The following ARHGEF7 variants were observed in gnomAD, a reference collection of about 807,000 sequenced individuals.
ARHGEF7 encodes PAK-interacting exchange factor beta.
A neutral mutation model predicts 109.8 loss-of-function variants in ARHGEF7; 33 were observed. The observed-to-expected ratio is 0.30, with a 90% confidence interval of 0.23 to 0.40. ARHGEF7 has a LOEUF of 0.40. Among genes scored for constraint, ARHGEF7 ranks in the 10% least tolerant of loss-of-function variants. The pLI, the probability that ARHGEF7 is intolerant of heterozygous loss-of-function variation, is 1.00. For missense variants in ARHGEF7, 938 were observed against 1,098.5 expected, an observed-to-expected ratio of 0.85 and a Z score of 2.07; for synonymous variants, 458 against 424.6, an observed-to-expected ratio of 1.08 and a Z score of -0.97.
chr13:111,229,285 T>C (rs2085683946), intron 5 of ARHGEF7, among the ~76,000 whole-genome samples: 1 of 152,224 alleles, frequency 6.6e-6, no homozygotes, highest in East Asian at 1.9e-4. Flanking sequence ...TTTTGCCCTC[T>C]GTTTTAATCC....
intron 18 of ARHGEF7, 29 bp downstream of exon 18, chr13:111,288,472 G>A (rs1329204480): frequency 1.3e-6 from 2 of 1,561,696 alleles, no homozygotes; most frequent in Admixed American, 3.3e-5. Context: ...CCTGGGAAGT[G>A]TGGTGGTTTA....
chr13:111,198,743 T>C (rs935778739), intron 2 of ARHGEF7, among the ~76,000 whole-genome samples: 15 of 152,136 alleles, frequency 9.9e-5, no homozygotes, highest in African/African-American at 3.1e-4. Flanking sequence ...GCTTCCACAG[T>C]GTGGAAGGGG....
chr13:111,257,772 C>T (rs147524889), intron 8 of ARHGEF7, among the ~76,000 whole-genome samples: 2 of 152,312 alleles, frequency 1.3e-5, no homozygotes, highest in Non-Finnish European at 2.9e-5. Flanking sequence ...CTGTGCACTT[C>T]GGAGAGGGGG....
At chr13:111,187,439 C>T (rs1419734803) in intron 2 of ARHGEF7, among the ~76,000 whole-genome samples, 1 of 152,166 alleles carries the variant, frequency 6.6e-6, no homozygotes, top group African/African-American at 2.4e-5. Context: ...GAAAGCCTTC[C>T]GGTTCTGAGC....
intron 13 of ARHGEF7, among the ~76,000 whole-genome samples, chr13:111,277,894 G>A (rs921097415): frequency 1.3e-5 from 2 of 152,212 alleles, no homozygotes; most frequent in African/African-American, 4.8e-5. Flanking sequence ...AAACTGTAGA[G>A]CAACCTCATA....
intron 11 of ARHGEF7, among the ~76,000 whole-genome samples, 193 bp from the exon 12 acceptor site, chr13:111,275,339 C>G (rs1344416555): frequency 2.6e-5 from 4 of 152,178 alleles, no homozygotes; most frequent in African/African-American, 9.7e-5. Flanking sequence ...TGTTGCTTCT[C>G]TTAACTTGGT....
At chr13:111,269,729 A>G (rs2091981497) in intron 9 of ARHGEF7, among the ~76,000 whole-genome samples, 1 of 152,132 alleles carries the variant, frequency 6.6e-6, no homozygotes, top group African/African-American at 2.4e-5. Context: ...ACTGTGGAAC[A>G]TGAAGCTTGT....
intron 13 of ARHGEF7, 78 bp from the exon 14 acceptor site, chr13:111,280,194 A>C (rs1197987959): frequency 7.2e-7 from 1 of 1,396,476 alleles, no homozygotes; most frequent in African/African-American, 1.5e-5. Context: ...AAATCATTTA[A>C]TATTGACTTT....
At chr13:111,211,636 G>T (rs1215777296) in intron 4 of ARHGEF7, among the ~76,000 whole-genome samples, 1 of 152,166 alleles carries the variant, frequency 6.6e-6, no homozygotes, top group Non-Finnish European at 1.5e-5. Context: ...CTCTTTGATG[G>T]AATGTGCAAG....
intron 1 of ARHGEF7, among the ~76,000 whole-genome samples, chr13:111,132,264 G>A (rs2074793523): frequency 6.6e-6 from 1 of 152,188 alleles, no homozygotes; most frequent in African/African-American, 2.4e-5. Flanking sequence ...GCCAATAAGT[G>A]TTGCGTTGAG....
chr13:111,232,169 A>G (rs1172327375), intron 5 of ARHGEF7, among the ~76,000 whole-genome samples: 2 of 152,158 alleles, frequency 1.3e-5, no homozygotes, highest in African/African-American at 4.8e-5. Flanking sequence ...TAGAATTGTG[A>G]TAGACACACC....
In ARHGEF7 at chr13:111,263,350, A is replaced by G. The variant is rs781540421; in HGVS notation, c.951-4198A>G. Among the ~76,000 whole-genome samples, 263 of 152,230 alleles carry G rather than the reference A, an allele frequency of 1.7e-3. 8 individuals carry two copies. Among genetic ancestry groups the G allele is most frequent in the Non-Finnish European group, 3.8e-4 (26 of 68,036 alleles). On this transcript the variant is annotated intron_variant, in intron 8 of 21. Coordinates refer to ENST00000646102, the MANE Select transcript of ARHGEF7 (RefSeq NM_001354046.2). The stretch of plus-strand genomic sequence containing the variant: ...GGCTCAGTGCGGTGAATTAAATAGG[A>G]AAAACCACTCGTACCGTGAATTGTT...
intron 1 of ARHGEF7, among the ~76,000 whole-genome samples, chr13:111,123,695 T>G (rs2067346707): frequency 6.6e-6 from 1 of 152,226 alleles, no homozygotes; most frequent in Non-Finnish European, 1.5e-5. Context: ...ATCTATTGAG[T>G]GCATACTGTA....
chr13:111,134,249 A>G (rs1214557873), intron 1 of ARHGEF7, among the ~76,000 whole-genome samples: 1 of 152,142 alleles, frequency 6.6e-6, no homozygotes, highest in African/African-American at 2.4e-5. Flanking sequence ...GCCGCAGTAA[A>G]CATACGTGTG....
Position 111,115,537 on chromosome 13 carries a change from C to T in ARHGEF7, c.11C>T (p.Ala4Val). MNSAEQTVTWLITL... is the reference protein window; with the variant it reads MNSVEQTVTWLITL... ...TCCCGGGCCGCAGCGATGAATTCCG[C>T]CGAGCAAACCGTTACGTGGCTCATC... is the stretch of plus-strand genomic sequence containing the variant. The change falls in exon 1 of 22, where the codon GCC becomes GTC. Residue 4 changes from alanine (A) to valine (V), a missense_variant. Physicochemically the swap from Ala to Val is moderately conservative, Grantham distance 64. Coordinates refer to ENST00000646102, the MANE Select transcript of ARHGEF7 (RefSeq NM_001354046.2). The T allele has an allele frequency of 1.4e-6, 2 of 1,386,182 alleles. No individual in the cohort carries two copies. The highest frequency in any genetic ancestry group is 1.9e-6 in the Non-Finnish European group (2 of 1,050,232). The allele number at this position is 1,386,182 out of a possible 1,614,324, so 85.9% of individuals were successfully genotyped here. A position where few individuals can be genotyped will look rare whatever the true frequency, so the allele number is the denominator to read the frequency against.
intron 19 of ARHGEF7, chr13:111,295,123 G>A: frequency 1.0e-6 from 1 of 983,154 alleles, no homozygotes; most frequent in South Asian, 4.7e-5. Flanking sequence ...GTTGCATATG[G>A]CAATGAAGTG....
intron 4 of ARHGEF7, among the ~76,000 whole-genome samples, chr13:111,214,472 C>T (rs951182573): frequency 2.0e-5 from 3 of 152,248 alleles, no homozygotes; most frequent in Non-Finnish European, 4.4e-5. Context: ...ACAAGGCCGG[C>T]GTGCCCAGGT....
intron 5 of ARHGEF7, among the ~76,000 whole-genome samples, chr13:111,219,014 A>G (rs1026237802): frequency 3.9e-5 from 6 of 152,154 alleles, no homozygotes; most frequent in African/African-American, 1.4e-4. Context: ...TATTGTATGT[A>G]TATGTATACA....
At chr13:111,138,309 G>A (rs557117530) in intron 1 of ARHGEF7, among the ~76,000 whole-genome samples, 1 of 151,492 alleles carries the variant, frequency 6.6e-6, no homozygotes, top group African/African-American at 2.4e-5. Flanking sequence ...GCGAAACTCT[G>A]TCTCAAAAAA....
Sources: gnomAD v4.1 joint callset for allele counts (sites outside exome capture counted in the v4.1 genomes callset) on GRCh38, gnomAD v4.1.1 for gene constraint, MANE v1.5 for transcripts, NCBI Gene and HGNC (gene_info 2026-07-23, HGNC 2026-07-21) for gene names.